WARS2: variants seen among roughly 807,000 people sequenced by gnomAD.
The protein encoded by WARS2 is tryptophan--tRNA ligase, mitochondrial.
A neutral mutation model predicts 36.5 loss-of-function variants in WARS2; 28 were observed. The observed-to-expected ratio is 0.77, with a 90% CI of 0.57 to 1.05. The LOEUF is 1.05. WARS2 is among the 50% of genes least tolerant of loss of function. WARS2 has a pLI of 0.00. For synonymous variants in WARS2, 174 were observed against 178.4 expected, an observed-to-expected ratio of 0.98 and a Z score of 0.20; for missense variants, 435 against 456.8, an observed-to-expected ratio of 0.95 and a Z score of 0.44.
At chr1:119,066,477 CA>C (rs34709639) in intron 2 of WARS2, among the ~76,000 whole-genome samples, 3,688 of 46,492 alleles carry the variant, frequency 0.079, 36 homozygotes, top group East Asian at 0.22. Context: ...GGCTCTGTCT[CA>C]AAAAAAAAAA....
intron 1 of WARS2, among the ~76,000 whole-genome samples, chr1:119,087,909 A>G (rs990502405): frequency 6.6e-6 from 1 of 152,210 alleles, no homozygotes; most frequent in Non-Finnish European, 1.5e-5. Flanking sequence ...GTGTGTTTCC[A>G]GTACCAGCAG....
chr1:119,134,319 CAAAAAAAA>C (rs761321480), intron 1 of WARS2, among the ~76,000 whole-genome samples: 1 of 65,872 alleles, frequency 1.5e-5, no homozygotes, highest in Admixed American at 2.3e-4. Flanking sequence ...GGCAAAGGGG[CAAAAAAAA>C]AAAAAAAAAA....
Position 119,034,002 on chromosome 1 carries a change from G to A in WARS2, c.634+93C>T, listed in dbSNP as rs1647668206. 7 of 1,065,556 alleles carry A rather than the reference G, an allele frequency of 6.6e-6. No individual in the cohort carries two copies. In the South Asian group the frequency reaches 8.7e-5, roughly 13 times the overall value. The allele number at this position is 1,065,556 out of a possible 1,614,324, so 66.0% of individuals were successfully genotyped here. A position where few individuals can be genotyped will look rare whatever the true frequency, so the allele number is the denominator to read the frequency against. On this transcript the variant is annotated intron_variant, in intron 5 of 5. Coordinates refer to ENST00000235521, the MANE Select transcript of WARS2 (RefSeq NM_015836.4). Reference sequence around the variant, plus strand: ...CCTGAAGCCTGTCTACAAGAAAGCTGAGGTTAGTCCCAAGAAAGTTCCAAG... The same window carrying A: ...CCTGAAGCCTGTCTACAAGAAAGCTAAGGTTAGTCCCAAGAAAGTTCCAAG...
At chr1:119,090,859 T>C (rs995077359) in intron 1 of WARS2, among the ~76,000 whole-genome samples, 2 of 152,166 alleles carry the variant, frequency 1.3e-5, no homozygotes, top group African/African-American at 4.8e-5. Flanking sequence ...TGTGCCACCA[T>C]ACTCCAGCCT....
At chr1:119,074,831 G>A (rs1651603154) in intron 2 of WARS2, among the ~76,000 whole-genome samples, 1 of 152,100 alleles carries the variant, frequency 6.6e-6, no homozygotes, top group Non-Finnish European at 1.5e-5. Context: ...CATGTCTTTT[G>A]CAGCAACATG....
chr1:119,065,586 G>T (rs898272490), intron 2 of WARS2, among the ~76,000 whole-genome samples: 1 of 142,800 alleles, frequency 7.0e-6, no homozygotes, highest in Non-Finnish European at 1.5e-5. Context: ...AGTGAGCCAA[G>T]ATCATGCCAC....
intron 1 of WARS2, among the ~76,000 whole-genome samples, chr1:119,084,756 A>G (rs1220579018): frequency 1.3e-5 from 2 of 152,128 alleles, no homozygotes; most frequent in African/African-American, 4.8e-5. Context: ...CGGGTTCAAG[A>G]GCCATATTTA....
intron 1 of WARS2, among the ~76,000 whole-genome samples, chr1:119,135,536 T>C (rs949562255): frequency 6.6e-6 from 1 of 152,190 alleles, no homozygotes; most frequent in African/African-American, 2.4e-5. Context: ...ACCTAAACTC[T>C]CTGAATCTTA....
chr1:119,074,248 A>G (rs1651545623), intron 2 of WARS2, among the ~76,000 whole-genome samples: 4 of 152,228 alleles, frequency 2.6e-5, no homozygotes, highest in Admixed American at 2.6e-4. Flanking sequence ...CTTTTGAGAT[A>G]GGATGACCAA....
chr1:119,087,185 G>T (rs587620562), intron 1 of WARS2, among the ~76,000 whole-genome samples: 1 of 152,132 alleles, frequency 6.6e-6, no homozygotes, highest in African/African-American at 2.4e-5. Context: ...TTGCTCCATA[G>T]ATATATTTTC....
At chr1:119,059,751 A>C (rs1243123007) in intron 2 of WARS2, among the ~76,000 whole-genome samples, 1 of 152,216 alleles carries the variant, frequency 6.6e-6, no homozygotes. Flanking sequence ...TCTATAGATC[A>C]ATATTTAAAA....
intron 1 of WARS2, among the ~76,000 whole-genome samples, chr1:119,123,728 A>T (rs1393189267): frequency 6.6e-6 from 1 of 152,060 alleles, no homozygotes. Context: ...TCTGGTTCTC[A>T]TCATCCCAAC....
chr1:119,050,343 C>T (rs1203843982), intron 2 of WARS2, among the ~76,000 whole-genome samples: 2 of 152,198 alleles, frequency 1.3e-5, no homozygotes, highest in African/African-American at 4.8e-5. Flanking sequence ...TCCCCTCAAT[C>T]CCACTCCCAG....
At chr1:119,035,110 C>T (rs939143476) in intron 4 of WARS2, among the ~76,000 whole-genome samples, 7 of 152,174 alleles carry the variant, frequency 4.6e-5, no homozygotes, top group African/African-American at 7.2e-5. Flanking sequence ...AGTTTAATCC[C>T]ATATGTAAAG....
chr1:119,113,281 C>A (rs1422363109), intron 1 of WARS2, among the ~76,000 whole-genome samples: 2 of 152,144 alleles, frequency 1.3e-5, no homozygotes, highest in African/African-American at 4.8e-5. Flanking sequence ...AGAACACAAC[C>A]ATGAATCTCA....
chr1:119,107,935 C>G (rs780823442), intron 1 of WARS2, among the ~76,000 whole-genome samples: 10 of 152,028 alleles, frequency 6.6e-5, no homozygotes, highest in Admixed American at 2.0e-4. Flanking sequence ...CTGATATGAT[C>G]TTGTGATTTT....
intron 1 of WARS2, among the ~76,000 whole-genome samples, chr1:119,081,226 T>G (rs1652169513): frequency 6.6e-6 from 1 of 152,222 alleles, no homozygotes; most frequent in Non-Finnish European, 1.5e-5. Flanking sequence ...TTCCTTAATT[T>G]TCTTACTGTA....
At chr1:119,128,878 G>A (rs1571401942) in intron 1 of WARS2, among the ~76,000 whole-genome samples, 1 of 152,078 alleles carries the variant, frequency 6.6e-6, no homozygotes, top group Admixed American at 6.6e-5. Context: ...AAAGACAAGA[G>A]GGCAAGCTGT....
chr1:119,037,477 C>A (rs1571254394), intron 4 of WARS2, among the ~76,000 whole-genome samples: 1 of 152,242 alleles, frequency 6.6e-6, no homozygotes, highest in East Asian at 1.9e-4. Flanking sequence ...CCGGCTGGGA[C>A]AGGAGTTTGG....
Sources: allele counts gnomAD v4.1 joint callset (sites outside exome capture counted in the v4.1 genomes callset), GRCh38; gene constraint gnomAD v4.1.1; transcripts MANE v1.5; gene names NCBI Gene and HGNC (gene_info 2026-07-23, HGNC 2026-07-21).